CFAP299: variants seen among roughly 807,000 people sequenced by gnomAD.
The protein encoded by CFAP299 is cilia- and flagella-associated protein 299.
In CFAP299, 21 loss-of-function variants were observed where a neutral mutation model predicts 27.0. The observed-to-expected ratio is 0.78, with a 90% CI of 0.55 to 1.12. The LOEUF (loss-of-function observed/expected upper bound fraction) is 1.12. Ranked by LOEUF, CFAP299 falls within the 50% of genes most tolerant of loss-of-function variation. CFAP299 has a pLI of 0.00. For missense variants in CFAP299, 310 were observed against 276.6 expected (o/e 1.12, Z -0.86); for synonymous variants, 104 against 98.1 (o/e 1.06, Z -0.36).
chr4:80,828,085 C>T (rs892442219), intron 3 of CFAP299, among the ~76,000 whole-genome samples: 7 of 151,774 alleles, frequency 4.6e-5, no homozygotes, highest in African/African-American at 9.7e-5. Context: ...GTTCATGGAG[C>T]GAAAGACAGT....
At chr4:80,744,969 G>A (rs1338972692) in intron 3 of CFAP299, among the ~76,000 whole-genome samples, 1 of 151,934 alleles carries the variant, frequency 6.6e-6, no homozygotes. Context: ...GATACTATGT[G>A]CCTTAGCCCA....
At chr4:80,487,798 A>T (rs193189815) in intron 2 of CFAP299, among the ~76,000 whole-genome samples, 1 of 152,342 alleles carries the variant, frequency 6.6e-6, no homozygotes, top group East Asian at 1.9e-4. Flanking sequence ...AATAACTTAC[A>T]TTAACAGAAG....
At chr4:80,724,074 G>A (rs35966530) in intron 3 of CFAP299, among the ~76,000 whole-genome samples, 21,345 of 151,954 alleles carry the variant, frequency 0.14, 1,819 homozygotes, top group South Asian at 0.23. Context: ...CAACTCTGTA[G>A]CTCTCTAATG....
intron 2 of CFAP299, among the ~76,000 whole-genome samples, chr4:80,449,586 A>G (rs1023200684): frequency 6.1e-4 from 92 of 151,958 alleles, no homozygotes; most frequent in African/African-American, 1.9e-3. Context: ...ACATTCAAGA[A>G]TTTCATTCTT....
At chr4:80,417,033 A>T (rs1727049806) in intron 2 of CFAP299, among the ~76,000 whole-genome samples, 1 of 152,226 alleles carries the variant, frequency 6.6e-6, no homozygotes, top group Non-Finnish European at 1.5e-5. Flanking sequence ...TGCCATGTTA[A>T]TGGTTGTTTC....
chr4:80,856,264 T>C (rs907070513), intron 3 of CFAP299, among the ~76,000 whole-genome samples: 3 of 146,074 alleles, frequency 2.1e-5, no homozygotes, highest in Non-Finnish European at 4.5e-5. Context: ...GTTTTTTTCT[T>C]GTAAATTTGT....
At chr4:80,677,105 A>C (rs1279819531) in intron 3 of CFAP299, among the ~76,000 whole-genome samples, 1 of 151,922 alleles carries the variant, frequency 6.6e-6, no homozygotes, top group Non-Finnish European at 1.5e-5. Flanking sequence ...CCCTCTTAGC[A>C]CTGCTCTTAC....
At chr4:80,368,060 A>G (rs1375583280) in intron 2 of CFAP299, among the ~76,000 whole-genome samples, 1 of 152,016 alleles carries the variant, frequency 6.6e-6, no homozygotes, top group Non-Finnish European at 1.5e-5. Flanking sequence ...AAATGAATTC[A>G]CCCCTCTTAA....
intron 4 of CFAP299, among the ~76,000 whole-genome samples, chr4:80,919,235 A>G (rs1735918190): frequency 6.6e-6 from 1 of 152,184 alleles, no homozygotes; most frequent in Admixed American, 6.6e-5. Flanking sequence ...CTAATTAGAA[A>G]GATTTCCAGA....
At chr4:80,908,811 CT>C (rs1735314298) in intron 4 of CFAP299, among the ~76,000 whole-genome samples, 1 of 152,094 alleles carries the variant, frequency 6.6e-6, no homozygotes, top group Non-Finnish European at 1.5e-5. Context: ...TCATCACCAC[CT>C]TACTGTTGTG....
chr4:80,846,191 G>GAGTT (rs1462106288), intron 3 of CFAP299, among the ~76,000 whole-genome samples: 2 of 152,154 alleles, frequency 1.3e-5, no homozygotes, highest in Non-Finnish European at 2.9e-5. Context: ...GGTAAGAAAT[G>GAGTT]AGTTCTGTGG....
chr4:80,672,465 CT>C (rs1392722177), intron 3 of CFAP299, among the ~76,000 whole-genome samples: 2 of 152,068 alleles, frequency 1.3e-5, no homozygotes, highest in Admixed American at 6.6e-5. Flanking sequence ...CTAAAATTCT[CT>C]TTTTTTGTTG....
At chr4:80,959,991 CTG>C (rs1372833304) in intron 5 of CFAP299, among the ~76,000 whole-genome samples, 1 of 151,738 alleles carries the variant, frequency 6.6e-6, no homozygotes, top group East Asian at 1.9e-4. Context: ...TGTGAGGAAA[CTG>C]TTCTTTGAAT....
intron 3 of CFAP299, among the ~76,000 whole-genome samples, chr4:80,722,109 A>G (rs1156752741): frequency 6.6e-6 from 1 of 152,170 alleles, no homozygotes; most frequent in Admixed American, 6.5e-5. Flanking sequence ...AAGCAAAAAT[A>G]ATTTTACCAT....
At chr4:80,847,223 T>G (rs1731233623) in intron 3 of CFAP299, among the ~76,000 whole-genome samples, 1 of 152,176 alleles carries the variant, frequency 6.6e-6, no homozygotes, top group African/African-American at 2.4e-5. Flanking sequence ...GAAGGCTGCT[T>G]CCATTAAAGT....
At chr4:80,911,234 G>A (rs1435968158) in intron 4 of CFAP299, among the ~76,000 whole-genome samples, 2 of 123,872 alleles carry the variant, frequency 1.6e-5, no homozygotes, top group Non-Finnish European at 3.5e-5. Flanking sequence ...TTTTTTTCTT[G>A]GACCATTTTA....
At chr4:80,715,407 A>C (rs1455368927) in intron 3 of CFAP299, among the ~76,000 whole-genome samples, 1 of 152,044 alleles carries the variant, frequency 6.6e-6, no homozygotes, top group African/African-American at 2.4e-5. Flanking sequence ...TTTGCTGCTG[A>C]TAATAACAGA....
chr4:80,927,186 CTAATT>C (rs769436265), intron 4 of CFAP299, among the ~76,000 whole-genome samples: 4 of 152,090 alleles, frequency 2.6e-5, no homozygotes, highest in Non-Finnish European at 5.9e-5. Context: ...GGATTCAACA[CTAATT>C]TAGTTTGTGT....
At chr4:80,325,344 G>A in the CFAP299 span, among the ~76,000 whole-genome samples, 1 of 152,202 alleles carries the variant, frequency 6.6e-6, no homozygotes, top group African/African-American at 2.4e-5. Context: ...CATCATTTTG[G>A]CAAGTGATAA....
Sources: allele counts gnomAD v4.1 joint callset (sites outside exome capture counted in the v4.1 genomes callset), GRCh38; gene constraint gnomAD v4.1.1; transcripts MANE v1.5; gene names NCBI Gene and HGNC (gene_info 2026-07-23, HGNC 2026-07-21).